SSH2: variants seen among roughly 807,000 people sequenced by gnomAD.
The protein encoded by SSH2 is protein phosphatase Slingshot homolog 2.
In SSH2, 37 loss-of-function variants were observed where a neutral mutation model predicts 135.2. The ratio of observed to expected loss-of-function variants is 0.27; its 90% CI spans 0.21 to 0.36. The LOEUF (loss-of-function observed/expected upper bound fraction) is 0.36, where lower values mean the gene tolerates loss of function less well. Among genes scored for constraint, SSH2 ranks in the 10% least tolerant of loss-of-function variants. SSH2 has a pLI of 1.00. For synonymous variants in SSH2, 628 were observed against 646.2 expected, an observed-to-expected ratio of 0.97 and a Z score of 0.43; for missense variants, 1,408 against 1,765.3, an observed-to-expected ratio of 0.80 and a Z score of 3.63.
At chr17:29,671,106 T>C (rs1016746439) in intron 9 of SSH2, among the ~76,000 whole-genome samples, 3 of 152,162 alleles carry the variant, frequency 2.0e-5, no homozygotes, top group African/African-American at 7.2e-5. Flanking sequence ...TTAATTAAAT[T>C]GTACTGACAA....
chr17:29,672,768 A>G (rs2037545545), intron 8 of SSH2, among the ~76,000 whole-genome samples: 1 of 152,134 alleles, frequency 6.6e-6, no homozygotes, highest in Admixed American at 6.5e-5. Context: ...CAGTGGTGTG[A>G]TCTCTGCTCA....
At chr17:29,800,583 A>T (rs1344842838) in intron 2 of SSH2, among the ~76,000 whole-genome samples, 1 of 152,162 alleles carries the variant, frequency 6.6e-6, no homozygotes, top group African/African-American at 2.4e-5. Context: ...TTCTTAGTGA[A>T]CAGAATAATT....
intron 2 of SSH2, among the ~76,000 whole-genome samples, chr17:29,837,818 C>T (rs545523933): frequency 6.6e-6 from 1 of 152,398 alleles, no homozygotes; most frequent in African/African-American, 2.4e-5. Flanking sequence ...AAAGAGGAGG[C>T]ATGGCCAGGG....
At chr17:29,923,630 A>G (rs1597517724) in intron 1 of SSH2, among the ~76,000 whole-genome samples, 1 of 152,058 alleles carries the variant, frequency 6.6e-6, no homozygotes, top group East Asian at 1.9e-4. Flanking sequence ...AAAAAAAAAA[A>G]AAATCCGGGG....
intron 11 of SSH2, among the ~76,000 whole-genome samples, chr17:29,656,465 C>T (rs1043563857): frequency 1.3e-5 from 2 of 152,076 alleles, no homozygotes; most frequent in African/African-American, 2.4e-5. Flanking sequence ...TGTGAGACAC[C>T]GCGCAGGGCC....
chr17:29,725,795 C>T (rs1772103764), intron 3 of SSH2, among the ~76,000 whole-genome samples: 2 of 152,042 alleles, frequency 1.3e-5, no homozygotes, highest in African/African-American at 4.8e-5. Context: ...AATATCTAAT[C>T]CATGTGGGGC....
intron 2 of SSH2, among the ~76,000 whole-genome samples, chr17:29,805,719 A>G (rs139695819): frequency 3.3e-4 from 50 of 152,282 alleles, no homozygotes; most frequent in African/African-American, 1.1e-3. Flanking sequence ...TAGATAACTG[A>G]TAAGCAGTTA....
chr17:29,771,290 G>A (rs1475188045), intron 3 of SSH2, among the ~76,000 whole-genome samples: 1 of 152,098 alleles, frequency 6.6e-6, no homozygotes. Context: ...CTCTCTACTG[G>A]AGCAAATCAG....
chr17:29,838,673 G>A (rs2042986990), intron 2 of SSH2, among the ~76,000 whole-genome samples: 1 of 152,086 alleles, frequency 6.6e-6, no homozygotes, highest in East Asian at 1.9e-4. Context: ...TCATCGGGAT[G>A]ACCTGCCTAG....
At chr17:29,913,346 A>T (rs865887902) in intron 1 of SSH2, among the ~76,000 whole-genome samples, 5 of 44,536 alleles carry the variant, frequency 1.1e-4, no homozygotes, top group Admixed American at 1.1e-3. Flanking sequence ...AAAAAAAAAA[A>T]AATATATATA....
chr17:29,715,069 G>T (rs2151155170), intron 3 of SSH2, among the ~76,000 whole-genome samples: 1 of 152,006 alleles, frequency 6.6e-6, no homozygotes, highest in Non-Finnish European at 1.5e-5. Context: ...GTTTCACCAT[G>T]TTGCCCAGAC....
chr17:29,788,100 G>A (rs929992103), intron 3 of SSH2, among the ~76,000 whole-genome samples: 1 of 152,034 alleles, frequency 6.6e-6, no homozygotes, highest in African/African-American at 2.4e-5. Flanking sequence ...CAAGTTCTTT[G>A]CTTATTTTTT....
At position 29,844,971 on chromosome 17, in the gene SSH2, C is replaced by T. The variant is rs554179945; in HGVS notation, c.144+3878G>A. Among the ~76,000 whole-genome samples, 174 of 152,208 alleles carry T rather than the reference C, an allele frequency of 1.1e-3. 1 individual carries two copies. The highest frequency in any genetic ancestry group is 1.8e-3 in the Non-Finnish European group (124 of 68,042). On this transcript the variant is annotated intron_variant, in intron 2 of 15. Transcript: ENST00000540801. ...CTCCTTTCCTTTTCAGGGCTTTCCA[C>T]GAATAGCCATAAAACTAATTTGTGA...
intron 3 of SSH2, chr17:29,716,463 C>G (rs1041400392): frequency 4.3e-6 from 3 of 691,388 alleles, no homozygotes; most frequent in Non-Finnish European, 8.0e-6. Context: ...AACTTGTGTA[C>G]AACAATGCCA....
chr17:29,742,269 C>CA (rs1385000518), intron 3 of SSH2, among the ~76,000 whole-genome samples: 1 of 147,876 alleles, frequency 6.8e-6, no homozygotes, highest in Non-Finnish European at 1.5e-5. Flanking sequence ...TAAAAACAAA[C>CA]AAAAAACCAA....
Position 29,627,207 on chromosome 17 carries a change from C to T in SSH2, c.*3634G>A, listed in dbSNP as rs1229296901. 6.6e-6 allele frequency: 1 copy of T among 152,572 alleles called. No homozygotes were observed. The highest frequency in any genetic ancestry group is 6.5e-5 in the Admixed American group (1 of 15,274). The allele number at this position is 152,572 out of a possible 1,614,324, so 9.5% of individuals were successfully genotyped here. ...TGTAAACAAAGTATCCACAAATAGT[C>T]CAAAAAAGCCAAAGAATGGCTTTAC... On this transcript the variant is annotated 3_prime_UTR_variant, in exon 16 of 16. Coordinates refer to ENST00000540801, the MANE Select transcript of SSH2 (RefSeq NM_001282129.2).
chr17:29,814,949 CTTTT>C (rs1027393693), intron 2 of SSH2, among the ~76,000 whole-genome samples: 2 of 132,350 alleles, frequency 1.5e-5, no homozygotes, highest in East Asian at 2.1e-4. Flanking sequence ...CCTTTTCTTT[CTTTT>C]TTTTTTTTTT....
Position 29,630,904 on chromosome 17 carries a change from A to G in SSH2, c.4290T>C (p.Leu1430=), listed in dbSNP as rs979259633. Residue 1430 remains leucine, a synonymous_variant, in exon 16 of 16, where the codon CTT becomes CTC. Coordinates refer to ENST00000540801, the MANE Select transcript of SSH2 (RefSeq NM_001282129.2). ...PRQQHGRTHP[L]RRLKKANDKK... ...TGTCATTTGCCTTTTTCAGTCTCCT[A>G]AGGGGGTGAGTTCTGCCGTGTTGCT... 1.2e-6 allele frequency: 2 copies of G among 1,602,198 alleles called. No individual in the cohort carries two copies. The highest frequency in any genetic ancestry group is 2.7e-5 in the African/African-American group (2 of 74,580).
At chr17:29,751,046 C>A (rs552466767) in intron 3 of SSH2, among the ~76,000 whole-genome samples, 1 of 152,256 alleles carries the variant, frequency 6.6e-6, no homozygotes, top group African/African-American at 2.4e-5. Flanking sequence ...CCTATGATAA[C>A]AATGCCTTCT....
Sources: gnomAD v4.1 joint callset for allele counts (sites outside exome capture counted in the v4.1 genomes callset) on GRCh38, gnomAD v4.1.1 for gene constraint, MANE v1.5 for transcripts, NCBI Gene and HGNC (gene_info 2026-07-23, HGNC 2026-07-21) for gene names.